The following NFATC3 variants were observed in gnomAD, a reference collection of about 807,000 sequenced individuals.
NFATC3 encodes nuclear factor of activated T-cells, cytoplasmic 3.
Under a neutral mutation model 98.6 loss-of-function variants are expected in NFATC3, and 46 were observed. That is an observed-to-expected ratio of 0.47 (90% confidence interval 0.37 to 0.60). The LOEUF (loss-of-function observed/expected upper bound fraction) is 0.60. NFATC3 is among the 20% of genes least tolerant of loss of function. NFATC3 has a pLI of 0.00. For synonymous variants in NFATC3, 512 were observed against 472.2 expected (o/e 1.08, Z -1.09); for missense variants, 1,256 against 1,295.5 (o/e 0.97, Z 0.47).
chr16:68,190,781 A>G lies in NFATC3; in HGVS notation c.2112A>G (p.Gln704=), dbSNP rs2040400877. ...TTTTCTTTTCAGTTTTGATGAAGCAAGAACACAGAGAAGAGATTGATTTGT... is the reference window on the plus strand; with the variant it reads ...TTTTCTTTTCAGTTTTGATGAAGCAGGAACACAGAGAAGAGATTGATTTGT... ...RFTYTPVLMK[Q]EHREEIDLSS... Residue 704 remains glutamine (Q), a synonymous_variant, in exon 9 of 10, where the codon CAA becomes CAG. Transcript: ENST00000346183. The G allele has an allele frequency of 6.2e-7, 1 of 1,601,702 alleles. No individual in the cohort carries two copies. Among genetic ancestry groups the G allele is most frequent in the Non-Finnish European group, 8.5e-7 (1 of 1,172,670 alleles).
intron 9 of NFATC3, chr16:68,214,392 G>A (rs2041548131): frequency 6.2e-7 from 1 of 1,614,198 alleles, no homozygotes; most frequent in Non-Finnish European, 8.5e-7. Context: ...CCTAACCACA[G>A]TGTGCTCTCA....
At chr16:68,221,984 T>C (rs2041880034) in intron 9 of NFATC3, among the ~76,000 whole-genome samples, 1 of 152,092 alleles carries the variant, frequency 6.6e-6, no homozygotes, top group Admixed American at 6.6e-5. Flanking sequence ...TGACTTCTTA[T>C]AAGATATAGA....
At chr16:68,199,679 C>G (rs1338545200) in intron 9 of NFATC3, 1 of 151,940 alleles carries the variant, frequency 6.6e-6, no homozygotes, top group Non-Finnish European at 1.5e-5. Flanking sequence ...CTCTGCCTCC[C>G]GGGTTCATGC....
chr16:68,221,720 A>G (rs2041871147), intron 9 of NFATC3: 4 of 523,466 alleles, frequency 7.6e-6, no homozygotes, highest in African/African-American at 2.1e-5. Flanking sequence ...TGACTTTAAC[A>G]TAGTCTTAAA....
chr16:68,138,472 A>C (rs772998504), intron 3 of NFATC3: 1 of 1,250,796 alleles, frequency 8.0e-7, no homozygotes, highest in Non-Finnish European at 1.0e-6. Flanking sequence ...AAAATTTTTT[A>C]AAAGTTTATT....
intron 2 of NFATC3, among the ~76,000 whole-genome samples, chr16:68,123,813 T>C (rs964295013): frequency 2.2e-5 from 3 of 135,116 alleles, no homozygotes; most frequent in African/African-American, 7.5e-5. Context: ...GGCAAAACCG[T>C]GTCTCTACAA....
At chr16:68,090,890 G>A (rs2034675696) in intron 1 of NFATC3, among the ~76,000 whole-genome samples, 1 of 152,092 alleles carries the variant, frequency 6.6e-6, no homozygotes, top group Non-Finnish European at 1.5e-5. Flanking sequence ...CGACTGAGTC[G>A]ATAATAAATA....
intron 3 of NFATC3, among the ~76,000 whole-genome samples, chr16:68,132,259 A>G (rs542807304): frequency 2.0e-5 from 3 of 152,324 alleles, no homozygotes; most frequent in South Asian, 4.1e-4. Context: ...ACTTTGATCT[A>G]TAAACTTCAA....
chr16:68,151,316 C>G (rs1460242139), intron 3 of NFATC3, among the ~76,000 whole-genome samples: 1 of 152,138 alleles, frequency 6.6e-6, no homozygotes, highest in Non-Finnish European at 1.5e-5. Flanking sequence ...ACACTTAACA[C>G]CTGCACTATC....
In NFATC3 at chr16:68,122,568, T is replaced by G; in HGVS notation, c.685T>G (p.Tyr229Asp). The change falls in exon 2 of 10, where the codon TAT (tyrosine) becomes GAT (aspartate). Residue 229 changes from tyrosine to aspartate, a missense_variant. By Grantham distance (160) the Tyr-to-Asp change is radical. Transcript: ENST00000346183. ...TGGAGAAGAAACTTGGCATCAACAG[T>G]ATGGACTTGGACACTCATTATCACC... is the stretch of plus-strand genomic sequence containing the variant. ...CPGEETWHQQ[Y>D]GLGHSLSPRQ... The G allele has an allele frequency of 6.2e-7, 1 of 1,614,070 alleles. No individual in the cohort carries two copies. The highest frequency in any genetic ancestry group is 8.5e-7 in the Non-Finnish European group (1 of 1,179,996).
At position 68,175,014 on chromosome 16, in the gene NFATC3, A is replaced by T. The variant is rs2039622191; in HGVS notation, c.1915+500A>T. Among the ~76,000 whole-genome samples, 2 of 152,240 alleles carry T rather than the reference A, an allele frequency of 1.3e-5. 1 individual carries two copies. The highest frequency in any genetic ancestry group is 1.3e-4 in the Admixed American group (2 of 15,278). On this transcript the variant is annotated intron_variant, in intron 6 of 9. Coordinates refer to ENST00000346183, the MANE Select transcript of NFATC3 (RefSeq NM_173165.3). Reference sequence around the variant, plus strand: ...TTATTTATAATTGCCAAAAAATGGAAACAACCTAAATGCTCACCAACTGAT... The same window carrying T: ...TTATTTATAATTGCCAAAAAATGGATACAACCTAAATGCTCACCAACTGAT...
In NFATC3 at chr16:68,219,004, C is replaced by T. The variant is rs1006325315; in HGVS notation, c.3107-7346C>T. ...CTGTAATGCCAGCGCTTTAGGAGGC[C>T]GAGGCGAGGTAGAAGGATCAATTGA... On this transcript the variant is annotated intron_variant, in intron 9 of 9. Coordinates refer to ENST00000346183, the MANE Select transcript of NFATC3 (RefSeq NM_173165.3). Among the ~76,000 whole-genome samples the T allele has an allele frequency of 7.3e-5, 11 of 151,476 alleles. No individual in the cohort carries two copies. In the South Asian group the frequency reaches 8.3e-4, roughly 11 times the overall value.
rs753366433 is a variant in NFATC3, at chr16:68,191,295, C to G, written c.2626C>G (p.Leu876Val). 4.3e-6 allele frequency: 7 copies of G among 1,614,110 alleles called. No homozygotes were observed. Among genetic ancestry groups the G allele is most frequent in the Non-Finnish European group, 5.9e-6 (7 of 1,180,046 alleles). The change falls in exon 9 of 10, where the codon CTG becomes GTG. Residue 876 changes from leucine (L) to valine (V), a missense_variant. Leu to Val is a conservative substitution (Grantham distance 32). Coordinates refer to ENST00000346183, the MANE Select transcript of NFATC3 (RefSeq NM_173165.3). Reference sequence around the variant, plus strand: ...CCATACACCTCATTCTGTGCATACCCTGCCTCATCTGCAATCAATGGGATA... The same window carrying G: ...CCATACACCTCATTCTGTGCATACCGTGCCTCATCTGCAATCAATGGGATA... ...LAHTPHSVHTLPHLQSMGYHC... is the reference protein window; with the variant it reads ...LAHTPHSVHTVPHLQSMGYHC...
intron 4 of NFATC3, among the ~76,000 whole-genome samples, chr16:68,163,766 G>A (rs1163087901): frequency 6.6e-6 from 1 of 151,446 alleles, no homozygotes; most frequent in East Asian, 2.0e-4. Context: ...CCCAGACGGG[G>A]CGGTGGGGCA....
intron 3 of NFATC3, among the ~76,000 whole-genome samples, chr16:68,128,443 T>G (rs554458835): frequency 3.5e-4 from 54 of 152,252 alleles, no homozygotes; most frequent in Middle Eastern, 3.4e-3. Flanking sequence ...GTAAGCAGAT[T>G]TATTGCTTAG....
At chr16:68,157,812 A>G in intron 3 of NFATC3, 57 bp from the exon 4 acceptor site, 1 of 1,376,698 alleles carries the variant, frequency 7.3e-7, no homozygotes, top group Non-Finnish European at 1.0e-6. Flanking sequence ...TTGTTGGCAT[A>G]TTGTAAAATG....
chr16:68,104,085 G>T (rs183418697), intron 1 of NFATC3, among the ~76,000 whole-genome samples: 4 of 152,256 alleles, frequency 2.6e-5, no homozygotes. Context: ...AGAAAAGCCC[G>T]TGAAATTTTG....
intron 1 of NFATC3, among the ~76,000 whole-genome samples, chr16:68,110,516 G>A (rs1201966946): frequency 2.1e-4 from 32 of 151,202 alleles, no homozygotes; most frequent in African/African-American, 6.8e-4. Context: ...GGGTTTCATC[G>A]TGTTAGCCAG....
At chr16:68,163,653 C>G (rs1331831746) in intron 4 of NFATC3, among the ~76,000 whole-genome samples, 1 of 147,924 alleles carries the variant, frequency 6.8e-6, no homozygotes, top group Non-Finnish European at 1.5e-5. Flanking sequence ...GACGGGGCAG[C>G]TGCCGGGCGG....
Sources: gnomAD v4.1 joint callset for allele counts (sites outside exome capture counted in the v4.1 genomes callset) on GRCh38, gnomAD v4.1.1 for gene constraint, MANE v1.5 for transcripts, NCBI Gene and HGNC (gene_info 2026-07-23, HGNC 2026-07-21) for gene names.